CCT2: variants seen among roughly 807,000 people sequenced by gnomAD.
CCT2 encodes the protein T-complex protein 1 subunit beta.
Under a neutral mutation model 61.8 loss-of-function variants are expected in CCT2, and 18 were observed. The ratio of observed to expected loss-of-function variants is 0.29; its 90% confidence interval spans 0.20 to 0.43. The LOEUF (loss-of-function observed/expected upper bound fraction) is 0.43. Among genes scored for constraint, CCT2 ranks in the 20% least tolerant of loss-of-function variants. The probability of loss-of-function intolerance (pLI) is 1.00; values close to 1 mark genes in which losing one functional copy is unlikely to be tolerated. For missense variants in CCT2, 556 were observed against 656.9 expected (o/e 0.85, Z 1.68); for synonymous variants, 248 against 215.9 (o/e 1.15, Z -1.30).
At position 69,587,612 on chromosome 12, in the gene CCT2, A is replaced by G. The variant is rs753447346; in HGVS notation, c.252A>G (p.Leu84=). 11 of 1,578,714 alleles carry G rather than the reference A, an allele frequency of 7.0e-6. No homozygotes were observed. The highest frequency in any genetic ancestry group is 9.6e-6 in the Non-Finnish European group (11 of 1,147,788). ...TTGACAATCCAGCAGCTAAAGTTTTAGTTGGTAAGTCTGAATATACTTTTT... is the reference window on the plus strand; with the variant it reads ...TTGACAATCCAGCAGCTAAAGTTTTGGTTGGTAAGTCTGAATATACTTTTT... ...IGVDNPAAKV[L]VDMSRVQDDE... The change falls in exon 4 of 16, where the codon TTA becomes TTG. Residue 84 remains leucine, a synonymous_variant. Transcript: ENST00000299300.
At chr12:69,593,690 A>G (rs1292316318) in intron 10 of CCT2, 77 bp downstream of exon 10, 1 of 803,074 alleles carries the variant, frequency 1.2e-6, no homozygotes, top group Non-Finnish European at 2.1e-6. Context: ...ATATGCAACT[A>G]CCTTTAAGGA....
chr12:69,591,922 G>A, intron 7 of CCT2, 137 bp from the exon 8 acceptor site: 1 of 522,600 alleles, frequency 1.9e-6, no homozygotes, highest in Non-Finnish European at 3.5e-6. Flanking sequence ...TTGCTTTTAT[G>A]CCTTCTAAGA....
At chr12:69,594,654 C>G (rs1379032249) in intron 10 of CCT2, among the ~76,000 whole-genome samples, 5 of 152,076 alleles carry the variant, frequency 3.3e-5, no homozygotes, top group African/African-American at 9.7e-5. Context: ...GCCAGGAGTT[C>G]AAGACCAGCC....
At chr12:69,597,127 A>G in intron 10 of CCT2, 29 bp from the exon 11 acceptor site, 1 of 1,607,036 alleles carries the variant, frequency 6.2e-7, no homozygotes, top group Non-Finnish European at 8.5e-7. Flanking sequence ...CCTGCTGTGC[A>G]TTTAACTAAT....
intron 10 of CCT2, among the ~76,000 whole-genome samples, chr12:69,596,179 C>T (rs11836825): frequency 0.01 from 1,523 of 152,282 alleles, 21 homozygotes; most frequent in African/African-American, 0.035. Context: ...TTGTGTCTCA[C>T]ATCTAGAACA....
At position 69,598,722 on chromosome 12, in the gene CCT2, A is replaced by G. The variant is rs537673297; in HGVS notation, c.1435+301A>G. Among the ~76,000 whole-genome samples, 5 of 152,340 alleles carry G rather than the reference A, an allele frequency of 3.3e-5. 1 individual carries two copies. Among genetic ancestry groups the G allele is most frequent in the Admixed American group, 2.6e-4 (4 of 15,300 alleles). ...TACATTCTGAAAAATAACATAAACTATTATGTTGTTTATACAATCAGTATT... is the reference window on the plus strand; with the variant it reads ...TACATTCTGAAAAATAACATAAACTGTTATGTTGTTTATACAATCAGTATT... On this transcript the variant is annotated intron_variant, in intron 14 of 15. Transcript: ENST00000299300.
chr12:69,589,849 C>T (rs1032093191), intron 7 of CCT2, 162 bp downstream of exon 7: 5 of 614,346 alleles, frequency 8.1e-6, no homozygotes, highest in Non-Finnish European at 1.4e-5. Flanking sequence ...TGACAGTGTA[C>T]TCCTCTTCCC....
chr12:69,600,591 CTTT>C (rs3837481), intron 15 of CCT2, among the ~76,000 whole-genome samples: 1 of 151,560 alleles, frequency 6.6e-6, no homozygotes, highest in Non-Finnish European at 1.5e-5. Context: ...CTCCAGAAGA[CTTT>C]TTTTTTCAGA....
At chr12:69,600,990 A>G (rs902772712) in intron 15 of CCT2, among the ~76,000 whole-genome samples, 6 of 152,182 alleles carry the variant, frequency 3.9e-5, no homozygotes, top group African/African-American at 1.4e-4. Context: ...AGGGCATCAC[A>G]CAGAGGAGGG....
intron 12 of CCT2, 79 bp downstream of exon 12, chr12:69,597,845 T>TA (rs1882035819): frequency 1.4e-6 from 2 of 1,464,926 alleles, no homozygotes; most frequent in Middle Eastern, 1.8e-4. Flanking sequence ...TAATGGTTCT[T>TA]ACAGAAATCT....
chr12:69,585,475 GCACGAGCTGTGAGGGGATT>G lies in CCT2; in HGVS notation c.-43_-25del. On this transcript the variant is annotated 5_prime_UTR_variant, in exon 1 of 16. Coordinates refer to ENST00000299300, the MANE Select transcript of CCT2 (RefSeq NM_006431.3). ...GCTTCCTTCAGTCCGCTGGTCCCGA[GCACGAGCTGTGAGGGGATT>G]CACTTGTGTGCGGAACTCCTCGGAA... 1 of 1,555,450 alleles carries G rather than the reference GCACGAGCTGTGAGGGGATT, an allele frequency of 6.4e-7. No homozygotes were observed. The highest frequency in any genetic ancestry group is 8.7e-7 in the Non-Finnish European group (1 of 1,148,634).
chr12:69,591,109 C>T (rs1162410650), intron 7 of CCT2, among the ~76,000 whole-genome samples: 1 of 152,172 alleles, frequency 6.6e-6, no homozygotes, highest in Non-Finnish European at 1.5e-5. Context: ...TCTTGAATGT[C>T]TGCTCTGTAC....
chr12:69,589,299 T>G (rs925947757), intron 6 of CCT2, 186 bp from the exon 7 acceptor site: 4 of 586,288 alleles, frequency 6.8e-6, no homozygotes, highest in African/African-American at 1.9e-5. Flanking sequence ...TTTTGGCATT[T>G]TGCCAGTTTG....
intron 7 of CCT2, 49 bp downstream of exon 7, chr12:69,589,736 T>C: frequency 7.1e-7 from 1 of 1,413,586 alleles, no homozygotes; most frequent in Non-Finnish European, 9.9e-7. Flanking sequence ...TGCTGAGGGC[T>C]GAATACTGAG....
chr12:69,590,268 ATG>A (rs1881795307), intron 7 of CCT2, among the ~76,000 whole-genome samples: 1 of 152,158 alleles, frequency 6.6e-6, no homozygotes, highest in Non-Finnish European at 1.5e-5. Flanking sequence ...GAACTTAAGT[ATG>A]TGGGGATTTT....
chr12:69,600,397 C>T (rs1433633968), intron 15 of CCT2, among the ~76,000 whole-genome samples: 2 of 152,188 alleles, frequency 1.3e-5, no homozygotes, highest in East Asian at 3.8e-4. Context: ...GAAGTCAGTG[C>T]CCTCACCCAC....
chr12:69,601,476 C>A lies in CCT2; in HGVS notation c.*151C>A, dbSNP rs1424980344. 6.6e-7 allele frequency: 1 copy of A among 1,518,562 alleles called. No individual in the cohort carries two copies. The allele number at this position is 1,518,562 out of a possible 1,614,324, so 94.1% of individuals were successfully genotyped here. On this transcript the variant is annotated 3_prime_UTR_variant, in exon 16 of 16. Coordinates refer to ENST00000299300, the MANE Select transcript of CCT2 (RefSeq NM_006431.3). Reference sequence around the variant, plus strand: ...AGCTGACCTTCGCTTTAACATAGGTCTAATTTATTTGCCGTGTCATTTTCC... The same window carrying A: ...AGCTGACCTTCGCTTTAACATAGGTATAATTTATTTGCCGTGTCATTTTCC...
At chr12:69,588,032 TTCCTA>T in intron 5 of CCT2, 26 bp downstream of exon 5, 1 of 1,598,446 alleles carries the variant, frequency 6.3e-7, no homozygotes, top group Non-Finnish European at 8.6e-7. Flanking sequence ...CAACTCTTTT[TTCCTA>T]CTGTGTTTTT....
intron 4 of CCT2, 29 bp downstream of exon 4, chr12:69,587,645 C>G (rs376214452): frequency 7.7e-7 from 1 of 1,304,510 alleles, no homozygotes. Context: ...TTTCACCAAC[C>G]TAATAATACT....
Sources: gnomAD v4.1 joint callset for allele counts (sites outside exome capture counted in the v4.1 genomes callset) on GRCh38, gnomAD v4.1.1 for gene constraint, MANE v1.5 for transcripts, NCBI Gene and HGNC (gene_info 2026-07-23, HGNC 2026-07-21) for gene names.